DSCAM: variants seen among roughly 807,000 people sequenced by gnomAD.
DSCAM encodes the protein DS cell adhesion molecule, also known as cell adhesion molecule DSCAM.
In DSCAM, 47 loss-of-function variants were observed where a neutral mutation model predicts 217.7. The ratio of observed to expected loss-of-function variants is 0.22; its 90% CI spans 0.17 to 0.28. The LOEUF is 0.28. Among genes scored for constraint, DSCAM ranks in the 10% least tolerant of loss-of-function variants. DSCAM has a pLI of 1.00. For missense variants in DSCAM, 2,080 were observed against 2,618.3 expected (o/e 0.79, Z 4.49); for synonymous variants, 1,056 against 1,015.3 (o/e 1.04, Z -0.76).
At chr21:40,106,540 G>C (rs578170304) in intron 20 of DSCAM, among the ~76,000 whole-genome samples, 1 of 152,118 alleles carries the variant, frequency 6.6e-6, no homozygotes, top group African/African-American at 2.4e-5. Flanking sequence ...GTTTCAATAG[G>C]AATGGTACCA....
intron 3 of DSCAM, among the ~76,000 whole-genome samples, chr21:40,453,901 G>A (rs2075742398): frequency 6.6e-6 from 1 of 152,180 alleles, no homozygotes; most frequent in Non-Finnish European, 1.5e-5. Context: ...TTGTGTGTAA[G>A]TACATCGAAG....
intron 3 of DSCAM, among the ~76,000 whole-genome samples, chr21:40,610,234 T>C (rs1341067238): frequency 2.0e-5 from 3 of 152,178 alleles, no homozygotes; most frequent in African/African-American, 4.8e-5. Context: ...TGGGAGGAAA[T>C]TGCAGACCAT....
Position 40,013,250 on chromosome 21 carries a change from C to T in DSCAM, c.5823G>A (p.Thr1941=), listed in dbSNP as rs372132528. The stretch of plus-strand genomic sequence containing the variant: ...CTTCCATCGGGATGGGCTCCAGGAC[C>T]GTGGGGCGCTTCAGGGTCCGGCTTT... The part of the protein sequence containing the change: ...PQKSRTLKRP[T]VLEPIPMEAA... Residue 1941 remains threonine, a synonymous_variant, in exon 33 of 33, where the codon ACG becomes ACA. Coordinates refer to ENST00000400454, the MANE Select transcript of DSCAM (RefSeq NM_001389.5). 1.2e-5 allele frequency: 20 copies of T among 1,613,878 alleles called. No individual in the cohort carries two copies. Among genetic ancestry groups the T allele is most frequent in the East Asian group, 1.1e-4 (5 of 44,850 alleles).
intron 16 of DSCAM, among the ~76,000 whole-genome samples, chr21:40,160,533 C>T (rs867239370): frequency 8.5e-4 from 129 of 152,152 alleles, no homozygotes; most frequent in African/African-American, 2.8e-3. Flanking sequence ...GCTTATTAGA[C>T]AATTTAAGTC....
intron 3 of DSCAM, among the ~76,000 whole-genome samples, chr21:40,376,117 T>C (rs948033174): frequency 6.6e-6 from 1 of 152,162 alleles, no homozygotes; most frequent in African/African-American, 2.4e-5. Context: ...TTGCAGTCTA[T>C]ATGAATTGAG....
At chr21:40,416,550 C>A (rs1055912537) in intron 3 of DSCAM, among the ~76,000 whole-genome samples, 16 of 151,986 alleles carry the variant, frequency 1.1e-4, no homozygotes, top group Non-Finnish European at 2.1e-4. Context: ...CAAGAATAGT[C>A]ACTGTATTTC....
At chr21:40,799,977 T>A (rs1601280285) in intron 1 of DSCAM, among the ~76,000 whole-genome samples, 1 of 152,210 alleles carries the variant, frequency 6.6e-6, no homozygotes, top group African/African-American at 2.4e-5. Context: ...AAATGTGGAC[T>A]TTTAAGAGGT....
intron 1 of DSCAM, among the ~76,000 whole-genome samples, chr21:40,798,647 T>C (rs1395241293): frequency 1.3e-5 from 2 of 152,110 alleles, no homozygotes; most frequent in African/African-American, 4.8e-5. Flanking sequence ...AAGTGTAATA[T>C]GGAAGAACGT....
At chr21:40,065,207 G>T (rs2089188873) in intron 27 of DSCAM, among the ~76,000 whole-genome samples, 1 of 152,102 alleles carries the variant, frequency 6.6e-6, no homozygotes, top group Non-Finnish European at 1.5e-5. Context: ...GAATGGACTA[G>T]AACAACATGG....
chr21:40,221,520 T>C (rs2091289322), intron 11 of DSCAM, among the ~76,000 whole-genome samples: 1 of 150,470 alleles, frequency 6.6e-6, no homozygotes, highest in Non-Finnish European at 1.5e-5. Context: ...ATAGTAATCA[T>C]AAGATTGTTT....
In DSCAM at chr21:40,013,494, G is replaced by A. The variant is rs2088100382; in HGVS notation, c.5687-108C>T. 2.8e-5 allele frequency: 21 copies of A among 743,608 alleles called. No homozygotes were observed. The South Asian group carries it at 4.7e-4, about 16-fold the overall frequency. The allele number at this position is 743,608 out of a possible 1,614,324, so 46.1% of individuals were successfully genotyped here. A position where few individuals can be genotyped will look rare whatever the true frequency, so the allele number is the denominator to read the frequency against. ...TGCGGGCTTTAGAGATGAGAATGCCGCTGCACACAGGTGCCTTTCTCAAGA... is the reference window on the plus strand; with the variant it reads ...TGCGGGCTTTAGAGATGAGAATGCCACTGCACACAGGTGCCTTTCTCAAGA... On this transcript the variant is annotated intron_variant, in intron 32 of 32. Transcript: ENST00000400454.
intron 11 of DSCAM, among the ~76,000 whole-genome samples, chr21:40,259,124 T>C (rs2073412911): frequency 6.6e-6 from 1 of 152,250 alleles, no homozygotes. Context: ...TAACATATAC[T>C]CTGTGATTTC....
At chr21:40,726,137 C>T (rs1260491317) in intron 1 of DSCAM, among the ~76,000 whole-genome samples, 1 of 152,082 alleles carries the variant, frequency 6.6e-6, no homozygotes, top group East Asian at 1.9e-4. Context: ...AAAAAATAAA[C>T]ATTCAAGCAC....
At chr21:40,561,888 A>G (rs920870987) in intron 3 of DSCAM, among the ~76,000 whole-genome samples, 4 of 152,200 alleles carry the variant, frequency 2.6e-5, no homozygotes, top group Admixed American at 2.6e-4. Flanking sequence ...TATACACTCC[A>G]ATTTTTAAAA....
chr21:40,182,650 T>TACCAGAGAAACCGTGGACAGGAGGGGGC (rs2090829272), intron 14 of DSCAM, among the ~76,000 whole-genome samples: 1 of 53,818 alleles, frequency 1.9e-5, no homozygotes, highest in Admixed American at 1.8e-4. Context: ...CAGGAGGGGG[T>TACCAGAGAAACCGTGGACAGGAGGGGGC]TACCAGAGAA....
chr21:40,488,169 T>C (rs1322312941), intron 3 of DSCAM, among the ~76,000 whole-genome samples: 1 of 152,218 alleles, frequency 6.6e-6, no homozygotes, highest in Non-Finnish European at 1.5e-5. Flanking sequence ...ACTCTATGAG[T>C]GTGTCGCCCT....
rs114890490 is a variant in DSCAM, at chr21:40,212,869, A to G, written c.2357-23631T>C. 2.2e-3 allele frequency among the ~76,000 whole-genome samples: 336 copies of G among 152,270 alleles called. 1 individual carries two copies. The highest frequency in any genetic ancestry group is 7.8e-3 in the African/African-American group (323 of 41,526). On this transcript the variant is annotated intron_variant, in intron 11 of 32. Transcript: ENST00000400454. ...AATGTCATATAAGAGACAGAAAAGG[A>G]GAAGGCACAGAGACACAAAAAAGAA...
At chr21:40,709,584 G>A (rs370656820) in intron 1 of DSCAM, among the ~76,000 whole-genome samples, 7 of 152,170 alleles carry the variant, frequency 4.6e-5, no homozygotes, top group East Asian at 1.9e-4. Context: ...GTGAGAACAC[G>A]CGGTGTTTGC....
chr21:40,109,826 C>G (rs955002849), intron 20 of DSCAM, among the ~76,000 whole-genome samples: 2 of 152,314 alleles, frequency 1.3e-5, no homozygotes, highest in East Asian at 3.9e-4. Context: ...ATTGCTAGCA[C>G]AGCAGTCTGA....
Sources: gnomAD v4.1 joint callset for allele counts (sites outside exome capture counted in the v4.1 genomes callset) on GRCh38, gnomAD v4.1.1 for gene constraint, MANE v1.5 for transcripts, NCBI Gene and HGNC (gene_info 2026-07-23, HGNC 2026-07-21) for gene names.